AGGF1: variants seen among roughly 807,000 people sequenced by gnomAD.
The protein encoded by AGGF1 is angiogenic factor with G-patch and FHA domains 1, also known as angiogenic factor with G patch and FHA domains 1.
Under a neutral mutation model 86.5 loss-of-function variants are expected in AGGF1, and 56 were observed. That is an observed-to-expected ratio of 0.65 (90% CI 0.52 to 0.81). The LOEUF (loss-of-function observed/expected upper bound fraction) is 0.81, where lower values mean the gene tolerates loss of function less well. Among genes scored for constraint, AGGF1 ranks in the 30% least tolerant of loss-of-function variants. The probability of loss-of-function intolerance (pLI) is 0.00; values close to 1 mark genes in which losing one functional copy is unlikely to be tolerated. For missense variants in AGGF1, 816 were observed against 850.9 expected, an observed-to-expected ratio of 0.96 and a Z score of 0.51; for synonymous variants, 313 against 297.1, an observed-to-expected ratio of 1.05 and a Z score of -0.55.
intron 13 of AGGF1, 33 bp downstream of exon 13, chr5:77,061,835 C>A: frequency 1.3e-6 from 2 of 1,575,242 alleles, no homozygotes; most frequent in South Asian, 1.1e-5. Flanking sequence ...TTCATTTATT[C>A]CTAGAGCAGA....
Position 77,030,687 on chromosome 5 carries a change from G to T in AGGF1, c.-80G>T. Reference sequence around the variant, plus strand: ...TGCCTTTCGCTGCCCGCGCGCTCCAGTGGTCTCTGGGTCCGCCGGCGTCCG... The same window carrying T: ...TGCCTTTCGCTGCCCGCGCGCTCCATTGGTCTCTGGGTCCGCCGGCGTCCG... On this transcript the variant is annotated 5_prime_UTR_variant, in exon 1 of 14. Transcript: ENST00000312916. The T allele has an allele frequency of 6.7e-7, 1 of 1,482,698 alleles. No homozygotes were observed. The highest frequency in any genetic ancestry group is 9.1e-7 in the Non-Finnish European group (1 of 1,103,262). The allele number at this position is 1,482,698 out of a possible 1,614,324, so 91.8% of individuals were successfully genotyped here.
intron 8 of AGGF1, among the ~76,000 whole-genome samples, chr5:77,051,432 CAAAA>C (rs34184166): frequency 5.1e-4 from 56 of 110,888 alleles, no homozygotes; most frequent in African/African-American, 2.0e-3. Flanking sequence ...GATTCCATCT[CAAAA>C]AAAAAAAAAA....
intron 3 of AGGF1, chr5:77,036,032 A>G (rs1746962058): frequency 5.6e-6 from 2 of 356,160 alleles, no homozygotes; most frequent in Non-Finnish European, 1.0e-5. Context: ...ACTGTGGACA[A>G]CAATACCACA....
chr5:77,035,490 T>C (rs1341194605), intron 2 of AGGF1, 51 bp from the exon 3 acceptor site: 1 of 1,406,064 alleles, frequency 7.1e-7, no homozygotes, highest in Admixed American at 1.9e-5. Flanking sequence ...AAGTCCTTTT[T>C]ATATACATTA....
chr5:77,031,885 C>A (rs991628853), intron 1 of AGGF1, among the ~76,000 whole-genome samples: 6 of 152,124 alleles, frequency 3.9e-5, no homozygotes, highest in African/African-American at 1.4e-4. Context: ...GCCAGGGCGA[C>A]AGAGTGCAAC....
At chr5:77,043,533 G>C (rs1283020851) in intron 5 of AGGF1, among the ~76,000 whole-genome samples, 4 of 144,834 alleles carry the variant, frequency 2.8e-5, no homozygotes, top group South Asian at 2.2e-4. Flanking sequence ...CCGGGCGGGG[G>C]GCTGACCCCC....
chr5:77,040,875 CTTTT>C (rs1344240184), intron 5 of AGGF1, among the ~76,000 whole-genome samples: 2 of 152,010 alleles, frequency 1.3e-5, no homozygotes, highest in East Asian at 3.9e-4. Flanking sequence ...CTGTCCTGTT[CTTTT>C]TTGAGACAGG....
At chr5:77,052,577 TA>T (rs2150733466) in intron 8 of AGGF1, 128 bp from the exon 9 acceptor site, 2 of 638,758 alleles carry the variant, frequency 3.1e-6, no homozygotes, top group Non-Finnish European at 5.4e-6. Context: ...TTTGTGTTTC[TA>T]AAAAAGTATT....
chr5:77,040,336 C>T (rs1747050892), intron 5 of AGGF1, among the ~76,000 whole-genome samples: 1 of 151,710 alleles, frequency 6.6e-6, no homozygotes, highest in East Asian at 1.9e-4. Flanking sequence ...TCTCGAACTC[C>T]TGACCTCAGC....
At chr5:77,033,086 C>G (rs1746901698) in intron 1 of AGGF1, among the ~76,000 whole-genome samples, 2 of 152,182 alleles carry the variant, frequency 1.3e-5, no homozygotes, top group Admixed American at 6.5e-5. Flanking sequence ...AAAATTTAAT[C>G]TCATAGAAAG....
At position 77,030,651 on chromosome 5, in the gene AGGF1, G is replaced by T; in HGVS notation, c.-116G>T. On this transcript the variant is annotated 5_prime_UTR_variant, in exon 1 of 14. Transcript: ENST00000312916. The stretch of plus-strand genomic sequence containing the variant: ...TGGCCAGGGGCCACCGCGGCCAGCC[G>T]GGTGTGAGGCTGCCTTTCGCTGCCC... 1 of 1,209,140 alleles carries T rather than the reference G, an allele frequency of 8.3e-7. No individual in the cohort carries two copies. Among genetic ancestry groups the T allele is most frequent in the East Asian group, 2.5e-5 (1 of 39,322 alleles). The allele number at this position is 1,209,140 out of a possible 1,614,324, so 74.9% of individuals were successfully genotyped here.
chr5:77,033,562 C>G (rs1199960360), intron 1 of AGGF1, among the ~76,000 whole-genome samples: 6 of 152,202 alleles, frequency 3.9e-5, no homozygotes, highest in African/African-American at 7.2e-5. Context: ...TTGCATGAAT[C>G]AGAGGAGCGC....
chr5:77,031,009 C>G (rs1050381424), intron 1 of AGGF1, 33 bp downstream of exon 1: 1 of 1,609,186 alleles, frequency 6.2e-7, no homozygotes, highest in African/African-American at 1.3e-5. Flanking sequence ...GCGCCCCATC[C>G]AGCCCAGGCG....
intron 6 of AGGF1, 89 bp from the exon 7 acceptor site, chr5:77,048,072 T>C (rs1351893872): frequency 2.2e-6 from 2 of 891,460 alleles, no homozygotes; most frequent in Non-Finnish European, 1.9e-6. Context: ...ACCAACACAT[T>C]TTTATTTTAT....
At chr5:77,035,831 C>A in intron 3 of AGGF1, 88 bp downstream of exon 3, 1 of 1,142,876 alleles carries the variant, frequency 8.7e-7, no homozygotes, top group Non-Finnish European at 1.3e-6. Flanking sequence ...CTTCTTTGGT[C>A]CGTCACAGCA....
At chr5:77,050,800 C>T (rs1185219248) in intron 8 of AGGF1, among the ~76,000 whole-genome samples, 1 of 152,120 alleles carries the variant, frequency 6.6e-6, no homozygotes, top group East Asian at 1.9e-4. Context: ...TTGAAAAGTT[C>T]ATGCAAATTT....
Position 77,063,514 on chromosome 5 carries a change from A to G in AGGF1, c.*262A>G, listed in dbSNP as rs1008299117. ...TCAAACTTCGTTATTTTATCTTGTC[A>G]TTTACAACATCCATATAAGCAACTA... On this transcript the variant is annotated 3_prime_UTR_variant, in exon 14 of 14. Coordinates refer to ENST00000312916, the MANE Select transcript of AGGF1 (RefSeq NM_018046.5). The G allele has an allele frequency of 1.3e-5, 6 of 447,386 alleles. No individual in the cohort carries two copies. The highest frequency in any genetic ancestry group is 2.4e-5 in the Non-Finnish European group (6 of 249,284). 27.7% of individuals were successfully genotyped at this position (447,386 alleles called of 1,614,324 possible).
At chr5:77,059,809 A>T (rs1747521976) in intron 12 of AGGF1, 66 bp downstream of exon 12, 1 of 1,590,724 alleles carries the variant, frequency 6.3e-7, no homozygotes, top group Non-Finnish European at 8.6e-7. Flanking sequence ...GGGTGGTCTG[A>T]TGTTCAGGGC....
chr5:77,040,420 TAAAA>T (rs11320289), intron 5 of AGGF1, among the ~76,000 whole-genome samples: 1 of 139,410 alleles, frequency 7.2e-6, no homozygotes, highest in African/African-American at 2.6e-5. Flanking sequence ...AGGAAAATAT[TAAAA>T]AAAAAAAAAA....
Sources: allele counts gnomAD v4.1 joint callset (sites outside exome capture counted in the v4.1 genomes callset), GRCh38; gene constraint gnomAD v4.1.1; transcripts MANE v1.5; gene names NCBI Gene and HGNC (gene_info 2026-07-23, HGNC 2026-07-21).